Variants in UBE2F observed in about 807,000 individuals in gnomAD.
The protein encoded by UBE2F is ubiquitin conjugating enzyme E2 F (putative).
Under a neutral mutation model 29.6 loss-of-function variants are expected in UBE2F, and 5 were observed. That is an observed-to-expected ratio of 0.17 (90% CI 0.09 to 0.36). The LOEUF is 0.36. UBE2F is among the 10% of genes least tolerant of loss of function. The pLI is 1.00. For synonymous variants in UBE2F, 66 were observed against 81.8 expected (o/e 0.81, Z 1.04); for missense variants, 141 against 228.5 (o/e 0.62, Z 2.47).
intron 4 of UBE2F, among the ~76,000 whole-genome samples, chr2:238,012,654 C>T (rs979934596): frequency 6.6e-6 from 1 of 152,208 alleles, no homozygotes; most frequent in African/African-American, 2.4e-5. Context: ...ATCACTCTTT[C>T]CCTCAGGCAA....
At chr2:238,020,144 A>G (rs78043273) in intron 5 of UBE2F, among the ~76,000 whole-genome samples, 3,472 of 152,288 alleles carry the variant, frequency 0.023, 140 homozygotes, top group East Asian at 0.12. Flanking sequence ...ATCATTGCTT[A>G]CAGACTCTCC....
chr2:238,009,904 T>TACCACAGATATGCCC (rs2063982139), intron 4 of UBE2F, among the ~76,000 whole-genome samples: 1 of 152,226 alleles, frequency 6.6e-6, no homozygotes, highest in Non-Finnish European at 1.5e-5. Flanking sequence ...AGAATATAAA[T>TACCACAGATATGCCC]ACCACAGATA....
chr2:237,967,149 C>T lies in UBE2F; in HGVS notation c.-17+17C>T, dbSNP rs1241926779. The T allele has an allele frequency of 2.5e-6, 3 of 1,214,986 alleles. No individual in the cohort carries two copies. Among genetic ancestry groups the T allele is most frequent in the South Asian group, 6.6e-5 (2 of 30,270 alleles). The allele number at this position is 1,214,986 out of a possible 1,614,324, so 75.3% of individuals were successfully genotyped here. On this transcript the variant is annotated intron_variant, in intron 1 of 9. Transcript: ENST00000272930. The surrounding 1 kb of genome is among the most constrained non-coding windows in gnomAD (Gnocchi z 6.3). ...GGAGCCCAGGTGAGGAGCGACCGTGCGGCTCTGCGGCGGGGCGAGGTGCGG... is the reference window on the plus strand; with the variant it reads ...GGAGCCCAGGTGAGGAGCGACCGTGTGGCTCTGCGGCGGGGCGAGGTGCGG...
intron 4 of UBE2F, among the ~76,000 whole-genome samples, chr2:238,006,719 G>C (rs1375914021): frequency 2.0e-5 from 3 of 151,218 alleles, no homozygotes; most frequent in Non-Finnish European, 4.4e-5. Context: ...TATAGAAGTG[G>C]TAGGAGGGAC....
At chr2:238,014,063 G>A (rs543598982) in intron 4 of UBE2F, among the ~76,000 whole-genome samples, 1 of 152,152 alleles carries the variant, frequency 6.6e-6, no homozygotes, top group Non-Finnish European at 1.5e-5. Context: ...AACCGTCTCC[G>A]CCTTGGGCCA....
rs1030349437 is a variant in UBE2F, at chr2:237,980,852, C to T, written c.119-7111C>T. Among the ~76,000 whole-genome samples the T allele has an allele frequency of 5.1e-4, 78 of 152,164 alleles. 3 individuals carry two copies. Among genetic ancestry groups the T allele is most frequent in the African/African-American group, 1.9e-3 (78 of 41,438 alleles). ...AGGGTATGCAGGGTCAGGGAGCAGG[C>T]GGCAAGGAGCCAGCAGGAGCCCTGT... On this transcript the variant is annotated intron_variant, in intron 2 of 9. Transcript: ENST00000272930.
At chr2:237,977,681 G>A (rs1449872864) in intron 2 of UBE2F, among the ~76,000 whole-genome samples, 2 of 152,118 alleles carry the variant, frequency 1.3e-5, no homozygotes, top group Non-Finnish European at 2.9e-5. Flanking sequence ...CTGTTGGAGG[G>A]CATGGCAAGG....
rs377356993 is a variant in UBE2F, at chr2:237,973,169, C to T, written c.62C>T (p.Ala21Val). ...GGTCTCAAAGGGTCCCGGACGGCAG[C>T]CACAGCGTCCGACTCGACTCGGAGG... ...DDGLKGSRTAATASDSTRRVS... is the reference protein window; with the variant it reads ...DDGLKGSRTAVTASDSTRRVS... The change falls in exon 2 of 10, where the codon GCC (alanine) becomes GTC (valine). Residue 21 changes from alanine to valine, a missense_variant. Coordinates refer to ENST00000272930, the MANE Select transcript of UBE2F (RefSeq NM_080678.3). The T allele has an allele frequency of 3.7e-6, 6 of 1,614,060 alleles. No individual in the cohort carries two copies. The Admixed American group carries it at 8.3e-5, about 22-fold the overall frequency.
At chr2:238,011,621 G>A (rs987001757) in intron 4 of UBE2F, among the ~76,000 whole-genome samples, 2 of 152,128 alleles carry the variant, frequency 1.3e-5, no homozygotes, top group Non-Finnish European at 2.9e-5. Context: ...CATTTCACTT[G>A]CAGTGTATCT....
intron 4 of UBE2F, among the ~76,000 whole-genome samples, chr2:237,998,852 G>C (rs2106358853): frequency 6.6e-6 from 1 of 152,190 alleles, no homozygotes; most frequent in Non-Finnish European, 1.5e-5. Flanking sequence ...GCATTTCCCA[G>C]TGACAGATGA....
chr2:237,998,083 T>C (rs1213710607), intron 4 of UBE2F, among the ~76,000 whole-genome samples: 1 of 152,210 alleles, frequency 6.6e-6, no homozygotes. Flanking sequence ...GGTTTTAGGC[T>C]GAAGGGAACA....
intron 4 of UBE2F, among the ~76,000 whole-genome samples, chr2:238,002,345 T>G (rs1376524165): frequency 6.6e-6 from 1 of 152,246 alleles, no homozygotes; most frequent in Non-Finnish European, 1.5e-5. Context: ...TGTATACATG[T>G]GCCATGCTGG....
At chr2:237,968,772 G>A (rs114265736) in intron 1 of UBE2F, 12,321 of 849,098 alleles carry the variant, frequency 0.015, 108 homozygotes, top group Middle Eastern at 0.02. Flanking sequence ...AACTGAGAAT[G>A]CTGTTCAGAA....
At chr2:238,036,653 G>T (rs1171755460) in intron 9 of UBE2F, among the ~76,000 whole-genome samples, 1 of 152,090 alleles carries the variant, frequency 6.6e-6, no homozygotes, top group Non-Finnish European at 1.5e-5. Flanking sequence ...TGGGCAACAT[G>T]GCAAAACTCT....
chr2:237,968,817 G>T (rs957475067), intron 1 of UBE2F: 2 of 983,712 alleles, frequency 2.0e-6, no homozygotes, highest in Admixed American at 6.1e-5. Flanking sequence ...GCCTTAGAGC[G>T]TAATTTGCAG....
chr2:238,017,195 G>A (rs1215500834), intron 5 of UBE2F, among the ~76,000 whole-genome samples: 2 of 152,222 alleles, frequency 1.3e-5, no homozygotes, highest in African/African-American at 4.8e-5. Context: ...ATGGTAAGTA[G>A]AGGACAGTAG....
intron 6 of UBE2F, among the ~76,000 whole-genome samples, chr2:238,026,428 C>T (rs2064430471): frequency 6.6e-6 from 1 of 152,242 alleles, no homozygotes; most frequent in South Asian, 2.1e-4. Context: ...AATCTTACCT[C>T]AGGATCCCTT....
intron 6 of UBE2F, among the ~76,000 whole-genome samples, chr2:238,028,326 T>C (rs2064483334): frequency 6.6e-6 from 1 of 152,256 alleles, no homozygotes; most frequent in Admixed American, 6.5e-5. Flanking sequence ...TCAGCTAATG[T>C]TGATTGAGCT....
chr2:237,981,037 G>A (rs1375561703), intron 2 of UBE2F, among the ~76,000 whole-genome samples: 1 of 152,212 alleles, frequency 6.6e-6, no homozygotes. Context: ...CTATCAGAAG[G>A]AAGTTATGCG....
Sources: gnomAD v4.1 joint callset for allele counts (sites outside exome capture counted in the v4.1 genomes callset) on GRCh38, gnomAD v4.1.1 for gene constraint, Gnocchi (gnomAD v3.1) non-coding constraint, MANE v1.5 for transcripts, NCBI Gene and HGNC (gene_info 2026-07-23, HGNC 2026-07-21) for gene names.